RYR3: variants seen among roughly 807,000 people sequenced by gnomAD.
RYR3 encodes the protein ryanodine receptor 3.
In RYR3, 207 loss-of-function variants were observed where a neutral mutation model predicts 584.3. The ratio of observed to expected loss-of-function variants is 0.35; its 90% CI spans 0.32 to 0.40. RYR3 has a LOEUF of 0.40. RYR3 is among the 10% of genes least tolerant of loss of function. RYR3 has a pLI of 1.00. For missense variants in RYR3, 5,616 were observed against 6,089.2 expected, an observed-to-expected ratio of 0.92 and a Z score of 2.59; for synonymous variants, 2,416 against 2,248.5, an observed-to-expected ratio of 1.07 and a Z score of -2.11.
chr15:33,857,193 AAT>A lies in RYR3; in HGVS notation c.14008-586_14008-585del, dbSNP rs1385209897. On this transcript the variant is annotated intron_variant, in intron 98 of 103. Coordinates refer to ENST00000634891, the MANE Select transcript of RYR3 (RefSeq NM_001036.6). The stretch of plus-strand genomic sequence containing the variant: ...GACTGCTATTTTGTTAAACAACAGA[AAT>A]GTCTTTTCGACAGTTCTGGAGGCGG... 3.3e-5 allele frequency among the ~76,000 whole-genome samples: 5 copies of A among 152,096 alleles called. No homozygotes were observed. In the South Asian group the frequency reaches 6.2e-4, roughly 19 times the overall value.
At chr15:33,689,280 T>C (rs1424678521) in intron 38 of RYR3, among the ~76,000 whole-genome samples, 1 of 150,696 alleles carries the variant, frequency 6.6e-6, no homozygotes, top group Non-Finnish European at 1.5e-5. Flanking sequence ...AAATGACGAG[T>C]TGATGGGTGC....
At chr15:33,714,890 C>A (rs2067384782) in intron 43 of RYR3, among the ~76,000 whole-genome samples, 1 of 152,168 alleles carries the variant, frequency 6.6e-6, no homozygotes, top group Admixed American at 6.5e-5. Context: ...GTAGAGTGAT[C>A]AGAAACATGT....
intron 16 of RYR3, among the ~76,000 whole-genome samples, chr15:33,600,387 A>G (rs929941875): frequency 1.3e-5 from 2 of 152,068 alleles, no homozygotes; most frequent in Non-Finnish European, 2.9e-5. Context: ...TTATTTGTCG[A>G]CTGCTGTTTG....
intron 1 of RYR3, among the ~76,000 whole-genome samples, chr15:33,404,460 G>C (rs2042887006): frequency 6.6e-6 from 1 of 152,110 alleles, no homozygotes. Context: ...CTTCTATACG[G>C]TTCTCTTTAG....
chr15:33,399,117 C>G (rs1015627347), intron 1 of RYR3, among the ~76,000 whole-genome samples: 8 of 152,164 alleles, frequency 5.3e-5, no homozygotes, highest in Admixed American at 3.3e-4. Context: ...TCCATCACAC[C>G]TAGGGCCAAA....
intron 48 of RYR3, 46 bp downstream of exon 48, chr15:33,731,740 C>A: frequency 7.7e-7 from 1 of 1,293,818 alleles, no homozygotes; most frequent in South Asian, 1.2e-5. Flanking sequence ...GCATCCAGGT[C>A]AACTGCATTT....
intron 1 of RYR3, among the ~76,000 whole-genome samples, chr15:33,411,848 T>C (rs1359454234): frequency 6.6e-6 from 1 of 152,156 alleles, no homozygotes; most frequent in Admixed American, 6.5e-5. Flanking sequence ...ACTGCAAGCC[T>C]CAAGAAAATA....
rs767808248 is a variant in RYR3, at chr15:33,652,784, T to G, written c.4209T>G (p.Asn1403Lys). Residue 1403 changes from asparagine to lysine, a missense_variant, in exon 32 of 104, where the codon AAT becomes AAG. Physicochemically the swap from Asn to Lys is moderately conservative, Grantham distance 94. Transcript: ENST00000634891. ...TTGTAGCCAGTTCCCAGAGATCAAA[T>G]CGGAGCAACGTGGACCTGGAGATCG... is the stretch of plus-strand genomic sequence containing the variant. ...GDIVASSQRS[N>K]RSNVDLEIGC... is the part of the protein sequence containing the mutation. 4 of 1,613,780 alleles carry G rather than the reference T, an allele frequency of 2.5e-6. No homozygotes were observed. The Admixed American group carries it at 6.7e-5, about 27-fold the overall frequency.
rs1567218703 is a variant in RYR3, at chr15:33,810,501, GGAA to G, written c.10055_10057del (p.Lys3352del). On this transcript the variant is annotated inframe_deletion, in exon 71 of 104. Transcript: ENST00000634891. Reference sequence around the variant, plus strand: ...TAGTCTGGAGGACAAGACCAGGAGCGGAAGAAGACAAAGCGGCGGGGAGACTTG... The same window carrying G: ...TAGTCTGGAGGACAAGACCAGGAGCGGAAGACAAAGCGGCGGGGAGACTTG... The G allele has an allele frequency of 1.2e-6, 2 of 1,613,976 alleles. No individual in the cohort carries two copies. The highest frequency in any genetic ancestry group is 1.7e-6 in the Non-Finnish European group (2 of 1,179,886).
chr15:33,418,174 A>G (rs2043960046), intron 1 of RYR3, among the ~76,000 whole-genome samples: 1 of 152,126 alleles, frequency 6.6e-6, no homozygotes, highest in African/African-American at 2.4e-5. Flanking sequence ...TTTGGGTATC[A>G]GAATGACACT....
At chr15:33,403,996 A>C (rs2042853592) in intron 1 of RYR3, among the ~76,000 whole-genome samples, 1 of 152,262 alleles carries the variant, frequency 6.6e-6, no homozygotes, top group African/African-American at 2.4e-5. Flanking sequence ...ATTGAAAGAT[A>C]AACAGTTGTT....
chr15:33,846,590 T>C (rs1243147965), intron 93 of RYR3, among the ~76,000 whole-genome samples: 1 of 152,204 alleles, frequency 6.6e-6, no homozygotes, highest in East Asian at 1.9e-4. Context: ...AATACTTTCC[T>C]ATATTGTGGT....
intron 1 of RYR3, among the ~76,000 whole-genome samples, chr15:33,421,225 A>G (rs2339271): frequency 0.15 from 22,703 of 152,150 alleles, 2,146 homozygotes; most frequent in East Asian, 0.35. Context: ...CAGAGGACAG[A>G]TATTAGAAGA....
chr15:33,757,685 G>A, intron 60 of RYR3, 89 bp downstream of exon 60: 1 of 1,401,340 alleles, frequency 7.1e-7, no homozygotes, highest in South Asian at 1.3e-5. Context: ...CGAGTCTTTT[G>A]GAGAAATGAA....
At chr15:33,324,248 T>C (rs1567025978) in intron 1 of RYR3, among the ~76,000 whole-genome samples, 1 of 152,180 alleles carries the variant, frequency 6.6e-6, no homozygotes, top group East Asian at 1.9e-4. Context: ...TCTGGTAATA[T>C]GGCATTTGGG....
intron 64 of RYR3, among the ~76,000 whole-genome samples, chr15:33,777,900 T>A (rs915850165): frequency 6.6e-6 from 1 of 152,088 alleles, no homozygotes; most frequent in Non-Finnish European, 1.5e-5. Flanking sequence ...CAGGACGCGG[T>A]GGCTCACGCC....
At chr15:33,859,552 T>A (rs1307756810) in intron 99 of RYR3, 23 bp from the exon 100 acceptor site, 11 of 1,613,074 alleles carry the variant, frequency 6.8e-6, no homozygotes, top group Non-Finnish European at 9.3e-6. Context: ...TTTGCCTAAA[T>A]CCCCCTTATT....
At chr15:33,720,875 T>TA (rs61329510) in intron 43 of RYR3, among the ~76,000 whole-genome samples, 50,188 of 148,754 alleles carry the variant, frequency 0.34, 8,704 homozygotes, top group East Asian at 0.66. Context: ...CCCTGTCTCT[T>TA]AAAAAAAAAA....
chr15:33,407,513 T>G (rs1048478609), intron 1 of RYR3, among the ~76,000 whole-genome samples: 3 of 152,122 alleles, frequency 2.0e-5, no homozygotes, highest in Non-Finnish European at 4.4e-5. Flanking sequence ...CCATGGGAGC[T>G]GCCAGATCAC....
Sources: allele counts gnomAD v4.1 joint callset (sites outside exome capture counted in the v4.1 genomes callset), GRCh38; gene constraint gnomAD v4.1.1; transcripts MANE v1.5; gene names NCBI Gene and HGNC (gene_info 2026-07-23, HGNC 2026-07-21).